Variants in RBFOX1 observed in about 807,000 individuals in gnomAD.
RBFOX1 encodes the protein RNA binding fox-1 homolog 1.
In RBFOX1, 8 loss-of-function variants were observed where a neutral mutation model predicts 57.7. The observed-to-expected ratio is 0.14, with a 90% CI of 0.08 to 0.25. The LOEUF is 0.25. RBFOX1 is among the 10% of genes least tolerant of loss of function. The pLI, the probability that RBFOX1 is intolerant of heterozygous loss-of-function variation, is 1.00. For synonymous variants in RBFOX1, 326 were observed against 222.4 expected (o/e 1.47, Z -4.15); for missense variants, 611 against 548.5 (o/e 1.11, Z -1.14).
chr16:6,121,131 G>A (rs903903043), intron 1 of RBFOX1, among the ~76,000 whole-genome samples: 3 of 152,172 alleles, frequency 2.0e-5, no homozygotes, highest in African/African-American at 4.8e-5. Context: ...TGCACCTGGT[G>A]TGTCCTGTAT....
intron 4 of RBFOX1, among the ~76,000 whole-genome samples, chr16:7,140,966 G>T (rs766809275): frequency 6.6e-6 from 1 of 152,200 alleles, no homozygotes; most frequent in Non-Finnish European, 1.5e-5. Flanking sequence ...TTGGGAGAGA[G>T]AAGGAGGGAG....
At chr16:6,511,916 G>C (rs1466557769) in intron 2 of RBFOX1, among the ~76,000 whole-genome samples, 2 of 151,994 alleles carry the variant, frequency 1.3e-5, no homozygotes, top group African/African-American at 4.8e-5. Flanking sequence ...ATTTCATAAA[G>C]TTCAGATTAT....
chr16:6,590,168 G>C (rs2097690477), intron 2 of RBFOX1, among the ~76,000 whole-genome samples: 1 of 152,188 alleles, frequency 6.6e-6, no homozygotes. Flanking sequence ...GAACTTCTAA[G>C]TTCACATGGC....
intron 1 of RBFOX1, among the ~76,000 whole-genome samples, chr16:5,387,283 T>G (rs1196459348): frequency 6.6e-6 from 1 of 152,194 alleles, no homozygotes; most frequent in Non-Finnish European, 1.5e-5. Flanking sequence ...GAGTTTCATT[T>G]TGCTGTAATA....
chr16:6,106,818 T>C (rs2096386093), intron 1 of RBFOX1, among the ~76,000 whole-genome samples: 1 of 152,050 alleles, frequency 6.6e-6, no homozygotes, highest in Non-Finnish European at 1.5e-5. Flanking sequence ...CAGATGCCCA[T>C]CACCATGCCT....
intron 1 of RBFOX1, among the ~76,000 whole-genome samples, chr16:5,446,239 A>G (rs771683623): frequency 6.6e-6 from 1 of 152,206 alleles, no homozygotes; most frequent in Non-Finnish European, 1.5e-5. Context: ...AAAAGGGACA[A>G]TGATCTGGTT....
At chr16:5,678,111 C>G (rs1198440307) in intron 3 of RBFOX1, among the ~76,000 whole-genome samples, 1 of 152,176 alleles carries the variant, frequency 6.6e-6, no homozygotes, top group Non-Finnish European at 1.5e-5. Context: ...ACTCATTCCT[C>G]TCCTCACCTC....
Position 6,450,767 on chromosome 16 carries a change from GTATATATATATATATATA to G in RBFOX1, c.-64+133715_-64+133732del, listed in dbSNP as rs371495786. Among the ~76,000 whole-genome samples the G allele has an allele frequency of 2.1e-4, 7 of 34,122 alleles. 1 individual carries two copies. The highest frequency in any genetic ancestry group is 3.1e-4 in the Non-Finnish European group (6 of 19,144). 22.4% of individuals were successfully genotyped at this position (34,122 alleles called of 152,430 possible). A position where few individuals can be genotyped will look rare whatever the true frequency, so the allele number is the denominator to read the frequency against. ...TATATATATATACATATATATATGT[GTATATATATATATATATA>G]TATACATATATATATGTATATATAT... On this transcript the variant is annotated intron_variant, in intron 2 of 15. Coordinates refer to ENST00000550418, the MANE Select transcript of RBFOX1 (RefSeq NM_018723.4).
intron 3 of RBFOX1, among the ~76,000 whole-genome samples, chr16:7,049,680 G>A (rs1432543545): frequency 7.9e-5 from 12 of 151,906 alleles, no homozygotes; most frequent in East Asian, 5.8e-4. Context: ...AATTTTGGTC[G>A]TTTTGTTCCC....
Position 5,897,720 on chromosome 16 carries a change from C to G in RBFOX1, c.351+30385C>G, listed in dbSNP as rs548984615. Among the ~76,000 whole-genome samples the G allele has an allele frequency of 4.7e-4, 72 of 152,258 alleles. 1 individual carries two copies. The highest frequency in any genetic ancestry group is 1.6e-3 in the African/African-American group (68 of 41,552). Reference sequence around the variant, plus strand: ...TCCAGAGACTGTTCAGTTTGAAAGACCTGACTGGTGTCTCCCCAGCATTTT... The same window carrying G: ...TCCAGAGACTGTTCAGTTTGAAAGAGCTGACTGGTGTCTCCCCAGCATTTT... On this transcript the variant is annotated intron_variant, in intron 4 of 19. Coordinates refer to the RBFOX1 transcript ENST00000641259.
chr16:6,842,114 G>A (rs977343408), intron 3 of RBFOX1, among the ~76,000 whole-genome samples: 3 of 151,586 alleles, frequency 2.0e-5, no homozygotes, highest in Non-Finnish European at 4.4e-5. Context: ...CTGCACTCCA[G>A]CCTGGGTGAC....
chr16:5,870,348 A>T (rs993039526), intron 4 of RBFOX1, among the ~76,000 whole-genome samples: 1 of 146,138 alleles, frequency 6.8e-6, no homozygotes, highest in South Asian at 2.2e-4. Flanking sequence ...AAACGTGTGC[A>T]TCTTACAGGT....
chr16:7,461,106 A>T (rs1448876825), intron 4 of RBFOX1, among the ~76,000 whole-genome samples: 6 of 152,190 alleles, frequency 3.9e-5, no homozygotes, highest in Non-Finnish European at 5.9e-5. Flanking sequence ...CTGACAACTT[A>T]TGGCAATAAC....
chr16:7,008,647 TTCC>T (rs1477657269), intron 3 of RBFOX1, among the ~76,000 whole-genome samples: 1 of 52,450 alleles, frequency 1.9e-5, no homozygotes. Context: ...CCTCCCTTCC[TTCC>T]TCCTCCCTTC....
intron 11 of RBFOX1, among the ~76,000 whole-genome samples, chr16:7,632,008 C>T (rs547910752): frequency 6.6e-6 from 1 of 152,256 alleles, no homozygotes; most frequent in East Asian, 1.9e-4. Context: ...CTCCTGGGCT[C>T]AAGCAATTCT....
intron 2 of RBFOX1, among the ~76,000 whole-genome samples, chr16:6,598,321 T>C (rs973977144): frequency 1.3e-5 from 2 of 152,248 alleles, no homozygotes; most frequent in Non-Finnish European, 2.9e-5. Flanking sequence ...AAAGACTGCA[T>C]GTTATTTTAT....
intron 2 of RBFOX1, among the ~76,000 whole-genome samples, chr16:6,323,317 C>T (rs768495115): frequency 5.9e-4 from 89 of 152,124 alleles, no homozygotes; most frequent in Non-Finnish European, 1.2e-3. Flanking sequence ...TCATCTTACC[C>T]AGTTAAAATC....
At chr16:5,432,208 C>T (rs1159501741) in intron 1 of RBFOX1, among the ~76,000 whole-genome samples, 1 of 152,106 alleles carries the variant, frequency 6.6e-6, no homozygotes, top group Non-Finnish European at 1.5e-5. Context: ...ATCTGAAAAA[C>T]ACAATTCTGA....
At chr16:6,976,440 T>C (rs1333380961) in intron 3 of RBFOX1, among the ~76,000 whole-genome samples, 1 of 152,146 alleles carries the variant, frequency 6.6e-6, no homozygotes, top group African/African-American at 2.4e-5. Flanking sequence ...TCTGTGGCTA[T>C]TGGTTTTGTT....
Sources: allele counts gnomAD v4.1 joint callset (sites outside exome capture counted in the v4.1 genomes callset), GRCh38; gene constraint gnomAD v4.1.1; transcripts MANE v1.5; gene names NCBI Gene and HGNC (gene_info 2026-07-23, HGNC 2026-07-21).